SGCD: variants seen among roughly 807,000 people sequenced by gnomAD.
SGCD encodes the protein delta-sarcoglycan.
In SGCD, 18 loss-of-function variants were observed where a neutral mutation model predicts 36.6. That is an observed-to-expected ratio of 0.49 (90% confidence interval 0.34 to 0.73). SGCD has a LOEUF of 0.73. Ranked by LOEUF, SGCD falls within the 30% of genes least tolerant of loss-of-function variation. SGCD has a pLI of 0.01. For synonymous variants in SGCD, 133 were observed against 130.6 expected (o/e 1.02, Z -0.12); for missense variants, 387 against 346.7 (o/e 1.12, Z -0.92).
intron 1 of SGCD, among the ~76,000 whole-genome samples, chr5:156,047,528 G>T (rs949230466): frequency 3.3e-5 from 5 of 152,066 alleles, no homozygotes; most frequent in Admixed American, 3.3e-4. Context: ...TTAAGAATGA[G>T]GCTAAATCTA....
chr5:156,602,961 A>G (rs904679141), intron 6 of SGCD, among the ~76,000 whole-genome samples: 2 of 152,252 alleles, frequency 1.3e-5, no homozygotes, highest in African/African-American at 4.8e-5. Context: ...TTGTAACATC[A>G]GTTTGGAAGT....
At chr5:156,732,615 G>A (rs903573762) in intron 7 of SGCD, among the ~76,000 whole-genome samples, 1 of 151,990 alleles carries the variant, frequency 6.6e-6, no homozygotes, top group Non-Finnish European at 1.5e-5. Flanking sequence ...CATAGAATGA[G>A]TTAGGGCAGA....
At chr5:156,060,809 C>G (rs1404132292) in intron 1 of SGCD, among the ~76,000 whole-genome samples, 1 of 145,838 alleles carries the variant, frequency 6.9e-6, no homozygotes, top group Non-Finnish European at 1.5e-5. Flanking sequence ...AAAAGATTGA[C>G]ATTAAATAAT....
At chr5:156,361,395 C>T (rs118183545) in intron 3 of SGCD, among the ~76,000 whole-genome samples, 1 of 152,206 alleles carries the variant, frequency 6.6e-6, no homozygotes, top group Non-Finnish European at 1.5e-5. Flanking sequence ...ATGATCTAGA[C>T]AATTATTGGC....
At chr5:156,170,741 C>T (rs1225098607) in intron 3 of SGCD, among the ~76,000 whole-genome samples, 1 of 152,174 alleles carries the variant, frequency 6.6e-6, no homozygotes, top group African/African-American at 2.4e-5. Context: ...TCATTTGTTA[C>T]CATGGACAGA....
chr5:156,017,925 C>CGA (rs1227292815), intron 1 of SGCD, among the ~76,000 whole-genome samples: 1 of 151,948 alleles, frequency 6.6e-6, no homozygotes, highest in Non-Finnish European at 1.5e-5. Context: ...TTTGGGAGGC[C>CGA]GAGACTGGAG....
chr5:155,980,377 A>C (rs1347352815), intron 1 of SGCD, among the ~76,000 whole-genome samples: 1 of 151,820 alleles, frequency 6.6e-6, no homozygotes, highest in Non-Finnish European at 1.5e-5. Flanking sequence ...TGAGGTCAGG[A>C]GATGGAGACC....
intron 1 of SGCD, among the ~76,000 whole-genome samples, chr5:155,937,313 G>A (rs1289019357): frequency 1.3e-5 from 2 of 152,184 alleles, no homozygotes; most frequent in Admixed American, 6.5e-5. Context: ...CAGGCAGGCC[G>A]CTGCTTCCAT....
intron 3 of SGCD, among the ~76,000 whole-genome samples, chr5:156,145,635 T>A (rs1188112840): frequency 6.6e-6 from 1 of 152,088 alleles, no homozygotes; most frequent in African/African-American, 2.4e-5. Context: ...TTGAAGATAA[T>A]TATTAGCAGT....
the SGCD span, among the ~76,000 whole-genome samples, chr5:155,830,644 A>C: frequency 5.3e-5 from 8 of 152,316 alleles, no homozygotes; most frequent in South Asian, 8.3e-4. Context: ...GTTTTTAAAG[A>C]CTTCTGTTAA....
At position 156,737,279 on chromosome 5, in the gene SGCD, A is replaced by G. The variant is rs113124477; in HGVS notation, c.576-20302A>G. Among the ~76,000 whole-genome samples, 401 of 151,734 alleles carry G rather than the reference A, an allele frequency of 2.6e-3. 3 individuals carry two copies. The highest frequency in any genetic ancestry group is 4.0e-3 in the Admixed American group (61 of 15,296). Reference sequence around the variant, plus strand: ...TGGCAGTTTTCAGGTAACATTTAAAAGCATGGGTTCTAGTGATAGAGTTGC... The same window carrying G: ...TGGCAGTTTTCAGGTAACATTTAAAGGCATGGGTTCTAGTGATAGAGTTGC... On this transcript the variant is annotated intron_variant, in intron 7 of 8. Coordinates refer to ENST00000337851, the MANE Select transcript of SGCD (RefSeq NM_000337.6).
intron 3 of SGCD, among the ~76,000 whole-genome samples, chr5:156,502,622 A>G (rs1756508459): frequency 6.6e-6 from 1 of 152,206 alleles, no homozygotes; most frequent in Non-Finnish European, 1.5e-5. Context: ...AGCATGAACC[A>G]TCAGTCCTGG....
chr5:156,410,416 T>C (rs1772675319), intron 3 of SGCD, among the ~76,000 whole-genome samples: 1 of 152,186 alleles, frequency 6.6e-6, no homozygotes, highest in Admixed American at 6.5e-5. Context: ...ACCTATTTGG[T>C]ACTATGCTCA....
intron 3 of SGCD, among the ~76,000 whole-genome samples, chr5:156,156,576 A>C (rs1292786749): frequency 1.3e-5 from 2 of 151,602 alleles, no homozygotes; most frequent in Admixed American, 1.3e-4. Flanking sequence ...GTGAGCCAAG[A>C]TCGCGCCACT....
At chr5:156,752,231 T>A (rs987991377) in intron 7 of SGCD, among the ~76,000 whole-genome samples, 1 of 152,126 alleles carries the variant, frequency 6.6e-6, no homozygotes, top group Non-Finnish European at 1.5e-5. Context: ...AGGATGCAAA[T>A]TTAGTCATAA....
chr5:155,988,186 T>C (rs80036019), intron 1 of SGCD, among the ~76,000 whole-genome samples: 1 of 151,498 alleles, frequency 6.6e-6, no homozygotes, highest in Admixed American at 6.6e-5. Flanking sequence ...CTGCAGTTCC[T>C]TTTTTTTTAT....
chr5:156,651,820 T>C (rs956753880), intron 7 of SGCD, among the ~76,000 whole-genome samples: 18 of 152,014 alleles, frequency 1.2e-4, no homozygotes, highest in African/African-American at 4.1e-4. Flanking sequence ...TTTCTAATTC[T>C]GTGAAAAAAT....
intron 4 of SGCD, among the ~76,000 whole-genome samples, chr5:156,576,973 T>C (rs1033637043): frequency 1.3e-5 from 2 of 152,252 alleles, no homozygotes; most frequent in Admixed American, 6.5e-5. Context: ...TTTGGTGTTT[T>C]AGACATGAAG....
At chr5:156,113,625 C>G (rs547347724) in intron 1 of SGCD, among the ~76,000 whole-genome samples, 1 of 152,280 alleles carries the variant, frequency 6.6e-6, no homozygotes, top group East Asian at 1.9e-4. Context: ...GCTAAACCTA[C>G]TTTTACCATA....
Sources: gnomAD v4.1 joint callset for allele counts (sites outside exome capture counted in the v4.1 genomes callset) on GRCh38, gnomAD v4.1.1 for gene constraint, MANE v1.5 for transcripts, NCBI Gene and HGNC (gene_info 2026-07-23, HGNC 2026-07-21) for gene names.